The following SLCO3A1 variants were observed in gnomAD, a reference collection of about 807,000 sequenced individuals.
The protein encoded by SLCO3A1 is PGE1 transporter.
A neutral mutation model predicts 63.1 loss-of-function variants in SLCO3A1; 27 were observed. The observed-to-expected ratio is 0.43, with a 90% CI of 0.32 to 0.59. The LOEUF (loss-of-function observed/expected upper bound fraction) is 0.59. Among genes scored for constraint, SLCO3A1 ranks in the 20% least tolerant of loss-of-function variants. The pLI is 0.09. For missense variants in SLCO3A1, 773 were observed against 945.8 expected (o/e 0.82, Z 2.40); for synonymous variants, 473 against 409.9 (o/e 1.15, Z -1.86).
At chr15:92,097,213 T>C (rs1033734762) in intron 3 of SLCO3A1, among the ~76,000 whole-genome samples, 4 of 152,272 alleles carry the variant, frequency 2.6e-5, no homozygotes, top group African/African-American at 7.2e-5. Flanking sequence ...CCTTTCCAAC[T>C]CTTTCATTTT....
In SLCO3A1 at chr15:92,090,509, G is replaced by A. The variant is rs1244918618; in HGVS notation, c.647-4372G>A. Among the ~76,000 whole-genome samples the A allele has an allele frequency of 3.3e-5, 5 of 152,174 alleles. No individual in the cohort carries two copies. The South Asian group carries it at 8.3e-4, about 25-fold the overall frequency. ...TGTCCAGCCATCTCATCCCTGGGAG[G>A]TCGGGCTGGCAACCCAGTGTGCCAA... On this transcript the variant is annotated intron_variant, in intron 2 of 9. Transcript: ENST00000318445.
chr15:91,884,305 T>C (rs914133974), intron 1 of SLCO3A1, among the ~76,000 whole-genome samples: 2 of 151,840 alleles, frequency 1.3e-5, no homozygotes, highest in African/African-American at 4.8e-5. Context: ...GATTGGGAGT[T>C]CAAGACCAGA....
At chr15:92,095,373 A>G (rs1230731501) in intron 3 of SLCO3A1, among the ~76,000 whole-genome samples, 1 of 152,240 alleles carries the variant, frequency 6.6e-6, no homozygotes, top group Non-Finnish European at 1.5e-5. Context: ...TGAGGATCCT[A>G]CTTTCCAAAC....
chr15:91,925,964 A>G (rs1458690811), intron 2 of SLCO3A1, among the ~76,000 whole-genome samples: 1 of 152,168 alleles, frequency 6.6e-6, no homozygotes, highest in East Asian at 1.9e-4. Context: ...CTGTCATGTC[A>G]TAGGAGTTGG....
intron 2 of SLCO3A1, among the ~76,000 whole-genome samples, chr15:91,952,358 C>T (rs1224991058): frequency 1.3e-5 from 2 of 152,210 alleles, no homozygotes; most frequent in Non-Finnish European, 2.9e-5. Context: ...ATATTATGCT[C>T]TTGGTCAGCC....
At chr15:92,057,347 G>A (rs901577813) in intron 2 of SLCO3A1, among the ~76,000 whole-genome samples, 36 of 152,328 alleles carry the variant, frequency 2.4e-4, no homozygotes, top group South Asian at 2.3e-3. Context: ...AGAGATTACT[G>A]TATTCGTTTT....
Position 92,018,431 on chromosome 15 carries a change from A to G in SLCO3A1, c.647-76450A>G, listed in dbSNP as rs750342963. Reference sequence around the variant, plus strand: ...AGAACATGGTGCTCCCTCCCTCCTAACCAGTGTTACATCCACGACCCCACC... The same window carrying G: ...AGAACATGGTGCTCCCTCCCTCCTAGCCAGTGTTACATCCACGACCCCACC... On this transcript the variant is annotated intron_variant, in intron 2 of 9. Coordinates refer to ENST00000318445, the MANE Select transcript of SLCO3A1 (RefSeq NM_013272.4). 7.2e-4 allele frequency among the ~76,000 whole-genome samples: 110 copies of G among 152,152 alleles called. 1 individual carries two copies. Among genetic ancestry groups the G allele is most frequent in the Non-Finnish European group, 1.4e-3 (93 of 67,976 alleles).
At chr15:91,980,741 C>G (rs2045974515) in intron 2 of SLCO3A1, among the ~76,000 whole-genome samples, 1 of 152,120 alleles carries the variant, frequency 6.6e-6, no homozygotes, top group Non-Finnish European at 1.5e-5. Context: ...GCCCCTTGAA[C>G]AAACACAGTC....
At chr15:92,032,692 A>G (rs1221179312) in intron 2 of SLCO3A1, among the ~76,000 whole-genome samples, 1 of 152,166 alleles carries the variant, frequency 6.6e-6, no homozygotes, top group African/African-American at 2.4e-5. Flanking sequence ...TTGCAGGTGC[A>G]GAGGCCCCCA....
At chr15:92,131,149 T>TG (rs2047990675) in intron 7 of SLCO3A1, among the ~76,000 whole-genome samples, 1 of 152,082 alleles carries the variant, frequency 6.6e-6, no homozygotes, top group Non-Finnish European at 1.5e-5. Context: ...CAATAGGAAG[T>TG]GGGGGATCTG....
intron 7 of SLCO3A1, among the ~76,000 whole-genome samples, chr15:92,139,597 A>C (rs190293660): frequency 6.6e-6 from 1 of 152,016 alleles, no homozygotes; most frequent in Non-Finnish European, 1.5e-5. Flanking sequence ...CTGTGAATCC[A>C]TCTGGTTCTG....
chr15:92,171,033 G>A (rs1002910153), intron 10 of SLCO3A1: 4 of 152,186 alleles, frequency 2.6e-5, no homozygotes, highest in African/African-American at 7.2e-5. Flanking sequence ...CCCGAGGAAA[G>A]GAATGACATT....
At chr15:91,914,149 A>G (rs1255320262) in intron 1 of SLCO3A1, among the ~76,000 whole-genome samples, 2 of 152,180 alleles carry the variant, frequency 1.3e-5, no homozygotes, top group Non-Finnish European at 2.9e-5. Flanking sequence ...CCTTTTACAG[A>G]TGGGGAAACT....
At chr15:92,070,835 C>A (rs1263940396) in intron 2 of SLCO3A1, among the ~76,000 whole-genome samples, 1 of 152,062 alleles carries the variant, frequency 6.6e-6, no homozygotes, top group African/African-American at 2.4e-5. Context: ...ATTTGAATTT[C>A]CACCATTTAA....
chr15:91,999,658 G>A (rs1385838137), intron 2 of SLCO3A1, among the ~76,000 whole-genome samples: 3 of 152,248 alleles, frequency 2.0e-5, no homozygotes, highest in Non-Finnish European at 4.4e-5. Flanking sequence ...CAGGGGCAGT[G>A]GTGCATGCCT....
chr15:92,148,566 G>A (rs2030401400), intron 8 of SLCO3A1, among the ~76,000 whole-genome samples: 1 of 152,162 alleles, frequency 6.6e-6, no homozygotes, highest in South Asian at 2.1e-4. Context: ...GCAAGGCTGT[G>A]GCAAAACTGA....
chr15:92,016,281 G>GATA (rs1453626983), intron 2 of SLCO3A1, among the ~76,000 whole-genome samples: 6 of 128,198 alleles, frequency 4.7e-5, no homozygotes, highest in Non-Finnish European at 8.5e-5. Context: ...TAGATAGATA[G>GATA]ATGTTATAGA....
chr15:91,991,053 A>G (rs1205772223), intron 2 of SLCO3A1, among the ~76,000 whole-genome samples: 1 of 152,104 alleles, frequency 6.6e-6, no homozygotes, highest in Non-Finnish European at 1.5e-5. Context: ...TTTAAAAAGA[A>G]TGCAGGGTAT....
chr15:92,047,965 T>A (rs1436369765), intron 2 of SLCO3A1, among the ~76,000 whole-genome samples: 1 of 151,862 alleles, frequency 6.6e-6, no homozygotes, highest in Non-Finnish European at 1.5e-5. Flanking sequence ...TGAGGTTGGG[T>A]GCCCAGGACA....
Sources: allele counts gnomAD v4.1 joint callset (sites outside exome capture counted in the v4.1 genomes callset), GRCh38; gene constraint gnomAD v4.1.1; transcripts MANE v1.5; gene names NCBI Gene and HGNC (gene_info 2026-07-23, HGNC 2026-07-21).